ARHGAP42: variants seen among roughly 807,000 people sequenced by gnomAD.
The protein encoded by ARHGAP42 is Rho GTPase activating protein 42.
ARHGAP42 carries 63 observed loss-of-function variants against 125.0 expected under a neutral mutation model. The observed-to-expected ratio is 0.50, with a 90% CI of 0.41 to 0.62. ARHGAP42 has a LOEUF of 0.62. Ranked by LOEUF, ARHGAP42 falls within the 20% of genes least tolerant of loss-of-function variation. ARHGAP42 has a pLI of 0.00. For missense variants in ARHGAP42, 766 were observed against 1,024.2 expected, an observed-to-expected ratio of 0.75 and a Z score of 3.44; for synonymous variants, 339 against 351.0, an observed-to-expected ratio of 0.97 and a Z score of 0.38.
intron 4 of ARHGAP42, among the ~76,000 whole-genome samples, chr11:100,870,887 G>A (rs753793918): frequency 2.0e-5 from 3 of 151,258 alleles, no homozygotes; most frequent in Admixed American, 6.6e-5. Flanking sequence ...ATTGTTGATT[G>A]GTTGTTGAGA....
chr11:100,795,083 AT>A (rs750889129), intron 2 of ARHGAP42, 21 bp from the exon 3 acceptor site: 3 of 1,519,328 alleles, frequency 2.0e-6, no homozygotes, highest in Admixed American at 2.2e-5. Context: ...AATTCTTTGC[AT>A]TTTTTTATCT....
At chr11:100,930,719 T>C (rs1803055857) in intron 6 of ARHGAP42, among the ~76,000 whole-genome samples, 1 of 151,942 alleles carries the variant, frequency 6.6e-6, no homozygotes, top group African/African-American at 2.4e-5. Flanking sequence ...AAAAGCAGAG[T>C]TTAGTGGGAA....
At chr11:100,752,582 G>A (rs1010478238) in intron 1 of ARHGAP42, among the ~76,000 whole-genome samples, 6 of 152,316 alleles carry the variant, frequency 3.9e-5, no homozygotes, top group South Asian at 4.1e-4. Context: ...TGAGTCTGCC[G>A]TAATTCAGGC....
intron 3 of ARHGAP42, among the ~76,000 whole-genome samples, chr11:100,804,694 A>T: frequency 6.6e-6 from 1 of 151,662 alleles, no homozygotes; most frequent in African/African-American, 2.4e-5. Flanking sequence ...TTGTATTTTT[A>T]TTAGAGATGG....
At chr11:100,833,516 T>A (rs1864710504) in intron 3 of ARHGAP42, among the ~76,000 whole-genome samples, 1 of 152,182 alleles carries the variant, frequency 6.6e-6, no homozygotes, top group Admixed American at 6.5e-5. Flanking sequence ...GTTGCAGTCA[T>A]CTCAAGGCTC....
chr11:100,914,444 G>A (rs1867009203), intron 5 of ARHGAP42, among the ~76,000 whole-genome samples: 1 of 151,752 alleles, frequency 6.6e-6, no homozygotes, highest in African/African-American at 2.4e-5. Flanking sequence ...CAATTTCAGT[G>A]ACAAAGTGTG....
At chr11:100,773,263 A>G (rs1863024885) in intron 2 of ARHGAP42, among the ~76,000 whole-genome samples, 1 of 152,234 alleles carries the variant, frequency 6.6e-6, no homozygotes, top group South Asian at 2.1e-4. Context: ...ATTGTTCACT[A>G]AATGACATAA....
chr11:100,880,975 T>G (rs1865947289), intron 4 of ARHGAP42, among the ~76,000 whole-genome samples: 1 of 152,194 alleles, frequency 6.6e-6, no homozygotes. Context: ...TTGACTTCAT[T>G]GTAGATTCTG....
intron 3 of ARHGAP42, among the ~76,000 whole-genome samples, chr11:100,830,945 G>A (rs1402967757): frequency 3.3e-5 from 5 of 152,088 alleles, no homozygotes; most frequent in Admixed American, 3.3e-4. Flanking sequence ...AAAATACCGT[G>A]AGTAATGTAC....
At chr11:100,816,191 G>A (rs1175194528) in intron 3 of ARHGAP42, among the ~76,000 whole-genome samples, 1 of 152,056 alleles carries the variant, frequency 6.6e-6, no homozygotes, top group African/African-American at 2.4e-5. Context: ...TGGATCATAT[G>A]GTAATTCTAT....
intron 3 of ARHGAP42, among the ~76,000 whole-genome samples, chr11:100,808,763 T>G (rs1239368549): frequency 6.6e-6 from 1 of 152,210 alleles, no homozygotes; most frequent in Non-Finnish European, 1.5e-5. Context: ...TACTGACAAT[T>G]TCTCCCAATG....
intron 2 of ARHGAP42, among the ~76,000 whole-genome samples, chr11:100,779,485 T>TATATATATAC (rs1312550660): frequency 2.5e-5 from 2 of 81,434 alleles, no homozygotes; most frequent in African/African-American, 8.7e-5. Flanking sequence ...TATATATATA[T>TATATATATAC]ACACACACAC....
chr11:100,901,346 C>A (rs894909908), intron 4 of ARHGAP42, among the ~76,000 whole-genome samples: 15 of 152,174 alleles, frequency 9.9e-5, no homozygotes, highest in African/African-American at 3.6e-4. Context: ...AAGGTGTCTC[C>A]CAATTAGGCT....
intron 1 of ARHGAP42, among the ~76,000 whole-genome samples, chr11:100,764,555 T>G (rs918575659): frequency 2.0e-5 from 3 of 152,214 alleles, no homozygotes. Context: ...CTGTTGTTAT[T>G]GAAAGTGTAC....
intron 3 of ARHGAP42, among the ~76,000 whole-genome samples, chr11:100,808,395 C>CTTTTTTTTTT (rs398045483): frequency 8.4e-6 from 1 of 118,778 alleles, no homozygotes; most frequent in Non-Finnish European, 1.7e-5. Context: ...TAAATTCACT[C>CTTTTTTTTTT]TTTTTTTTTT....
intron 1 of ARHGAP42, among the ~76,000 whole-genome samples, chr11:100,720,137 A>G (rs1355516749): frequency 2.0e-5 from 3 of 152,242 alleles, no homozygotes; most frequent in Admixed American, 2.0e-4. Context: ...AACTTGCCCC[A>G]GAAGGCACAC....
At chr11:100,879,755 G>A (rs149636537) in intron 4 of ARHGAP42, among the ~76,000 whole-genome samples, 187 of 152,100 alleles carry the variant, frequency 1.2e-3, no homozygotes, top group Admixed American at 2.2e-3. Context: ...CAGCTTCTCC[G>A]CTGTATATTT....
At chr11:100,983,612 A>G (rs1858598925) in intron 22 of ARHGAP42, among the ~76,000 whole-genome samples, 1 of 152,212 alleles carries the variant, frequency 6.6e-6, no homozygotes, top group East Asian at 1.9e-4. Context: ...TTGTTGAATG[A>G]GTAAATAAAA....
In ARHGAP42 at chr11:100,788,969, G is replaced by T. The variant is rs1223353975; in HGVS notation, c.251-6136G>T. Among the ~76,000 whole-genome samples the T allele has an allele frequency of 2.0e-5, 3 of 152,030 alleles. No individual in the cohort carries two copies. In the East Asian group the frequency reaches 5.8e-4, roughly 29 times the overall value. ...GGTCCTTAGATTATTGCATGCTTTT[G>T]TAGTATAATGCTGGGTATCACTTGG... On this transcript the variant is annotated intron_variant, in intron 2 of 23. Transcript: ENST00000298815.
Sources: allele counts gnomAD v4.1 joint callset (sites outside exome capture counted in the v4.1 genomes callset), GRCh38; gene constraint gnomAD v4.1.1; transcripts MANE v1.5; gene names NCBI Gene and HGNC (gene_info 2026-07-23, HGNC 2026-07-21).